The following MTBP variants were observed in gnomAD, a reference collection of about 807,000 sequenced individuals.
MTBP encodes the protein mdm2-binding protein.
Under a neutral mutation model 117.0 loss-of-function variants are expected in MTBP, and 101 were observed. The ratio of observed to expected loss-of-function variants is 0.86; its 90% confidence interval spans 0.73 to 1.02. The LOEUF is 1.02. Among genes scored for constraint, MTBP ranks in the 50% least tolerant of loss-of-function variants. The pLI is 0.00. For missense variants in MTBP, 970 were observed against 1,030.9 expected (o/e 0.94, Z 0.81); for synonymous variants, 350 against 351.5 (o/e 1.00, Z 0.05).
At chr8:120,501,166 G>A (rs1177416185) in intron 14 of MTBP, among the ~76,000 whole-genome samples, 1 of 138,294 alleles carries the variant, frequency 7.2e-6, no homozygotes, top group African/African-American at 2.8e-5. Context: ...ACTCCAGCCT[G>A]GGTGACAGAG....
chr8:120,459,371 G>C, intron 8 of MTBP, 22 bp downstream of exon 8: 1 of 1,583,008 alleles, frequency 6.3e-7, no homozygotes, highest in Non-Finnish European at 8.6e-7. Context: ...TAATTTTTTT[G>C]TGTGATCATT....
chr8:120,461,472 T>C (rs987904331), intron 9 of MTBP, among the ~76,000 whole-genome samples: 1 of 152,222 alleles, frequency 6.6e-6, no homozygotes, highest in Non-Finnish European at 1.5e-5. Flanking sequence ...ATACCTATTT[T>C]ATCAGAAATC....
chr8:120,509,593 C>A (rs1814757770), intron 16 of MTBP, among the ~76,000 whole-genome samples: 1 of 152,078 alleles, frequency 6.6e-6, no homozygotes, highest in African/African-American at 2.4e-5. Flanking sequence ...CAGAGTGAGA[C>A]TCCGTCCCCA....
chr8:120,498,242 G>A (rs1276856750), intron 14 of MTBP, among the ~76,000 whole-genome samples: 1 of 152,166 alleles, frequency 6.6e-6, no homozygotes, highest in African/African-American at 2.4e-5. Context: ...TTATTGTGAG[G>A]ATTAGTAGGT....
intron 11 of MTBP, among the ~76,000 whole-genome samples, chr8:120,483,472 A>G (rs1479971524): frequency 1.3e-5 from 2 of 152,048 alleles, no homozygotes; most frequent in Non-Finnish European, 2.9e-5. Flanking sequence ...CCTGGGATAT[A>G]TTTTTTCCTT....
intron 15 of MTBP, among the ~76,000 whole-genome samples, chr8:120,504,671 A>G (rs1814656648): frequency 6.6e-6 from 1 of 151,956 alleles, no homozygotes; most frequent in Admixed American, 6.6e-5. Context: ...GCTCTGAGAA[A>G]TATCTTATTA....
intron 9 of MTBP, among the ~76,000 whole-genome samples, 159 bp from the exon 10 acceptor site, chr8:120,463,533 C>A (rs918762889): frequency 6.6e-6 from 1 of 152,056 alleles, no homozygotes; most frequent in Non-Finnish European, 1.5e-5. Context: ...TGGAAAAATA[C>A]TTATCCTTAG....
At chr8:120,462,786 A>G (rs991593338) in intron 9 of MTBP, among the ~76,000 whole-genome samples, 4 of 152,142 alleles carry the variant, frequency 2.6e-5, no homozygotes, top group Non-Finnish European at 4.4e-5. Flanking sequence ...GGATTGAAAG[A>G]TAAGTTGAGT....
intron 14 of MTBP, among the ~76,000 whole-genome samples, chr8:120,500,252 A>G (rs1159135265): frequency 1.3e-5 from 2 of 152,134 alleles, no homozygotes; most frequent in Non-Finnish European, 2.9e-5. Context: ...AGCATAGCCC[A>G]GCGTTTTGAC....
intron 2 of MTBP, among the ~76,000 whole-genome samples, chr8:120,446,753 A>G (rs1161401520): frequency 6.6e-6 from 1 of 152,132 alleles, no homozygotes; most frequent in Non-Finnish European, 1.5e-5. Flanking sequence ...TGCTCCTTTT[A>G]TGAAATTTTC....
At chr8:120,486,048 A>G (rs573202064) in intron 11 of MTBP, among the ~76,000 whole-genome samples, 1 of 152,292 alleles carries the variant, frequency 6.6e-6, no homozygotes, top group South Asian at 2.1e-4. Flanking sequence ...ACTGGGGCTT[A>G]AATTGTTCCA....
intron 20 of MTBP, 121 bp from the exon 21 acceptor site, chr8:120,522,533 C>T (rs945191688): frequency 6.0e-6 from 4 of 664,326 alleles, no homozygotes; most frequent in Non-Finnish European, 7.5e-6. Context: ...TGTAGTCTGT[C>T]CCTAATCACA....
chr8:120,450,613 G>C (rs1813318130), intron 2 of MTBP, among the ~76,000 whole-genome samples: 1 of 152,114 alleles, frequency 6.6e-6, no homozygotes. Context: ...GAACCAACCT[G>C]CATAGTCTTT....
rs371242754 is a variant in MTBP at position 120,463,771 on chromosome 8, G to A, written c.1047+10G>A. 28 of 1,606,590 alleles carry A rather than the reference G, an allele frequency of 1.7e-5. No homozygotes were observed. In the African/African-American group the frequency reaches 2.4e-4, roughly 14 times the overall value. ...TTCTCTGTGTAGCAAGGTATTGAGG[G>A]TTTCTTGGGGGTTTTTTGTTTGTTT... On this transcript the variant is annotated intron_variant, in intron 10 of 21. Transcript: ENST00000305949.
chr8:120,492,387 T>C (rs1814364512), intron 13 of MTBP, among the ~76,000 whole-genome samples: 1 of 152,206 alleles, frequency 6.6e-6, no homozygotes, highest in Non-Finnish European at 1.5e-5. Flanking sequence ...GTCTTAAGTG[T>C]CTACTTCAGT....
intron 17 of MTBP, among the ~76,000 whole-genome samples, chr8:120,515,050 A>C (rs978073009): frequency 6.6e-6 from 1 of 151,460 alleles, no homozygotes; most frequent in Non-Finnish European, 1.5e-5. Context: ...AAATGATAAC[A>C]CTCCTTGGGA....
At position 120,450,032 on chromosome 8, in the gene MTBP, T is replaced by C. The variant is rs552695544; in HGVS notation, c.200-971T>C. On this transcript the variant is annotated intron_variant, in intron 2 of 21. Coordinates refer to ENST00000305949, the MANE Select transcript of MTBP (RefSeq NM_022045.5). Reference sequence around the variant, plus strand: ...GTGAAGATGAATTTAAAGGGACCCCTTTTTTTAAAAAAGAAATACTTTGAG... The same window carrying C: ...GTGAAGATGAATTTAAAGGGACCCCCTTTTTTAAAAAAGAAATACTTTGAG... 2.8e-4 allele frequency among the ~76,000 whole-genome samples: 42 copies of C among 152,224 alleles called. No homozygotes were observed. The South Asian group carries it at 7.1e-3, about 26-fold the overall frequency.
chr8:120,465,686 G>T (rs1235570871), intron 10 of MTBP, among the ~76,000 whole-genome samples: 2 of 136,630 alleles, frequency 1.5e-5, no homozygotes, highest in Non-Finnish European at 3.1e-5. Flanking sequence ...TTGAGACGGA[G>T]TCTCGCTCTG....
intron 13 of MTBP, among the ~76,000 whole-genome samples, chr8:120,492,019 T>A (rs764175039): frequency 2.0e-5 from 3 of 151,738 alleles, no homozygotes; most frequent in Non-Finnish European, 4.4e-5. Flanking sequence ...TAAAAAAAAT[T>A]AAAAAAATAA....
Sources: gnomAD v4.1 joint callset for allele counts (sites outside exome capture counted in the v4.1 genomes callset) on GRCh38, gnomAD v4.1.1 for gene constraint, MANE v1.5 for transcripts, NCBI Gene and HGNC (gene_info 2026-07-23, HGNC 2026-07-21) for gene names.